The following TRIO variants were observed in gnomAD, a reference collection of about 807,000 sequenced individuals.
The protein encoded by TRIO is trio Rho guanine nucleotide exchange factor.
Under a neutral mutation model 351.9 loss-of-function variants are expected in TRIO, and 58 were observed. The ratio of observed to expected loss-of-function variants is 0.16; its 90% CI spans 0.13 to 0.21. TRIO has a LOEUF of 0.21. Among genes scored for constraint, TRIO ranks in the 10% least tolerant of loss-of-function variants. The pLI is 1.00. For missense variants in TRIO, 3,201 were observed against 4,027.8 expected (o/e 0.79, Z 5.56); for synonymous variants, 1,758 against 1,595.7 (o/e 1.10, Z -2.42).
chr5:14,481,161 TAAAA>T, intron 43 of TRIO, 69 bp from the exon 44 acceptor site: 1 of 1,312,358 alleles, frequency 7.6e-7, no homozygotes, highest in South Asian at 1.4e-5. Context: ...CCCTGTCTCT[TAAAA>T]AAAAAAATAA....
chr5:14,311,041 C>T (rs1368854038), intron 8 of TRIO, among the ~76,000 whole-genome samples: 2 of 152,174 alleles, frequency 1.3e-5, no homozygotes, highest in African/African-American at 2.4e-5. Flanking sequence ...GTTGCTGTAG[C>T]GACATGCAGT....
rs1477242505 is a variant in TRIO at position 14,488,424 on chromosome 5, G to A, written c.7632+164G>A. 2.4e-5 allele frequency: 25 copies of A among 1,040,658 alleles called. No homozygotes were observed. In the East Asian group the frequency reaches 5.8e-4, roughly 24 times the overall value. The allele number at this position is 1,040,658 out of a possible 1,614,324, so 64.5% of individuals were successfully genotyped here. A position where few individuals can be genotyped will look rare whatever the true frequency, so the allele number is the denominator to read the frequency against. On this transcript the variant is annotated intron_variant, in intron 48 of 56. Coordinates refer to ENST00000344204, the MANE Select transcript of TRIO (RefSeq NM_007118.4). ...CTAACCCTCCTGCGGGCCGGCCCACGGCGCTACTAACTACTCCTTGCTTTG... is the reference window on the plus strand; with the variant it reads ...CTAACCCTCCTGCGGGCCGGCCCACAGCGCTACTAACTACTCCTTGCTTTG...
intron 9 of TRIO, among the ~76,000 whole-genome samples, chr5:14,328,618 A>G (rs1740627927): frequency 6.6e-6 from 1 of 152,268 alleles, no homozygotes; most frequent in Non-Finnish European, 1.5e-5. Context: ...GCTTGAAATG[A>G]GATGGAAGCT....
chr5:14,275,968 A>G (rs1333630683), intron 2 of TRIO, among the ~76,000 whole-genome samples: 2 of 148,262 alleles, frequency 1.3e-5, no homozygotes, highest in East Asian at 3.9e-4. Context: ...ATACATATAT[A>G]TACATACATA....
At chr5:14,182,504 A>G (rs1789850600) in intron 1 of TRIO, among the ~76,000 whole-genome samples, 1 of 152,232 alleles carries the variant, frequency 6.6e-6, no homozygotes, top group African/African-American at 2.4e-5. Flanking sequence ...AGACATAGCT[A>G]AAAATCTTGT....
At chr5:14,223,061 G>A (rs1316040810) in intron 1 of TRIO, among the ~76,000 whole-genome samples, 1 of 152,176 alleles carries the variant, frequency 6.6e-6, no homozygotes, top group Non-Finnish European at 1.5e-5. Flanking sequence ...TTCCATGAGT[G>A]CAGCTGACAC....
chr5:14,174,130 C>T (rs1185998292), intron 1 of TRIO, among the ~76,000 whole-genome samples: 1 of 152,184 alleles, frequency 6.6e-6, no homozygotes, highest in Non-Finnish European at 1.5e-5. Context: ...GAAATGAGCG[C>T]TAGTTGCCTT....
chr5:14,349,251 G>A (rs570082893), intron 11 of TRIO, among the ~76,000 whole-genome samples: 15 of 146,876 alleles, frequency 1.0e-4, no homozygotes, highest in African/African-American at 3.3e-4. Context: ...GTGCACACAC[G>A]TGAGCATGTG....
chr5:14,399,860 A>G (rs1747923951), intron 30 of TRIO, among the ~76,000 whole-genome samples: 1 of 152,206 alleles, frequency 6.6e-6, no homozygotes, highest in African/African-American at 2.4e-5. Flanking sequence ...ATTGGGTTGC[A>G]CTAAGGAGGA....
At position 14,270,991 on chromosome 5, in the gene TRIO, T is replaced by C. The variant is rs573170012; in HGVS notation, c.232+92T>C. 96 of 883,556 alleles carry C rather than the reference T, an allele frequency of 1.1e-4. No homozygotes were observed. The African/African-American group carries it at 1.5e-3, about 14-fold the overall frequency. The allele number at this position is 883,556 out of a possible 1,614,324, so 54.7% of individuals were successfully genotyped here. A position where few individuals can be genotyped will look rare whatever the true frequency, so the allele number is the denominator to read the frequency against. ...AAATGAACTCACCTGCCACAACATA[T>C]AAAAACATTGGCATTTCTATGAATT... On this transcript the variant is annotated intron_variant, in intron 2 of 56. Coordinates refer to ENST00000344204, the MANE Select transcript of TRIO (RefSeq NM_007118.4).
intron 9 of TRIO, among the ~76,000 whole-genome samples, chr5:14,328,392 C>G (rs1002970704): frequency 6.6e-6 from 1 of 152,220 alleles, no homozygotes; most frequent in Non-Finnish European, 1.5e-5. Flanking sequence ...ACTCAATGCA[C>G]TAGTTAAAAC....
At chr5:14,278,648 G>A (rs1047493417) in intron 2 of TRIO, among the ~76,000 whole-genome samples, 1 of 152,164 alleles carries the variant, frequency 6.6e-6, no homozygotes, top group Non-Finnish European at 1.5e-5. Flanking sequence ...ATTGGGAAAC[G>A]AAAAATATTG....
intron 34 of TRIO, among the ~76,000 whole-genome samples, chr5:14,455,039 G>T (rs370989671): frequency 4.0e-4 from 61 of 151,208 alleles, no homozygotes; most frequent in African/African-American, 1.4e-3. Flanking sequence ...TCGTGGTCTC[G>T]CTGGCCTCAG....
intron 54 of TRIO, among the ~76,000 whole-genome samples, chr5:14,503,413 C>T (rs1421603928): frequency 6.6e-6 from 1 of 152,252 alleles, no homozygotes; most frequent in African/African-American, 2.4e-5. Context: ...TGTCTTAGGA[C>T]AGTGGTGACA....
chr5:14,258,361 CAG>C (rs1273274424), intron 1 of TRIO, among the ~76,000 whole-genome samples: 2 of 152,174 alleles, frequency 1.3e-5, no homozygotes, highest in Non-Finnish European at 2.9e-5. Context: ...GCTGTAGGTG[CAG>C]AGAGTTGGCC....
chr5:14,481,771 CTTTT>C (rs34046917), intron 45 of TRIO, 153 bp downstream of exon 45: 4,491 of 188,304 alleles, frequency 0.024, 1 homozygote, highest in East Asian at 0.045. Context: ...ATTTTATTTC[CTTTT>C]TTTTTTTTTT....
At chr5:14,389,517 A>T in intron 25 of TRIO, 119 bp downstream of exon 25, 1 of 683,398 alleles carries the variant, frequency 1.5e-6, no homozygotes, top group South Asian at 2.2e-5. Flanking sequence ...TTTCCATTTG[A>T]ATGAAGCCTA....
Position 14,359,509 on chromosome 5 carries a change from T to G in TRIO, c.2369T>G (p.Ile790Ser). Residue 790 changes from isoleucine (I) to serine (S), a missense_variant, in exon 13 of 57, where the codon ATC becomes AGC. By Grantham distance (142) the Ile-to-Ser change is moderately radical. This residue lies in a region of TRIO where 363 missense variants were observed against 553.5 expected (regional missense o/e 0.66). Coordinates refer to ENST00000344204, the MANE Select transcript of TRIO (RefSeq NM_007118.4). ...IKLELFLQLR[I>S]FERDAIDIIS... ...CTGGAGCTCTTCCTGCAGCTGCGCATCTTCGAGAGGGACGCCATCGACGTG... is the reference window on the plus strand; with the variant it reads ...CTGGAGCTCTTCCTGCAGCTGCGCAGCTTCGAGAGGGACGCCATCGACGTG... 5.0e-6 allele frequency: 8 copies of G among 1,614,066 alleles called. No individual in the cohort carries two copies. Among genetic ancestry groups the G allele is most frequent in the Non-Finnish European group, 6.8e-6 (8 of 1,179,890 alleles).
At chr5:14,301,327 G>C (rs1737862663) in intron 7 of TRIO, among the ~76,000 whole-genome samples, 1 of 152,028 alleles carries the variant, frequency 6.6e-6, no homozygotes. Flanking sequence ...GCAGGCTCCT[G>C]ATCTGAACTG....
Sources: gnomAD v4.1 joint callset for allele counts (sites outside exome capture counted in the v4.1 genomes callset) on GRCh38, gnomAD v4.1.1 for gene constraint, gnomAD v4.1.1 regional missense constraint, MANE v1.5 for transcripts, NCBI Gene and HGNC (gene_info 2026-07-23, HGNC 2026-07-21) for gene names.